Variants in ANK2 observed in about 807,000 individuals in gnomAD.
ANK2 encodes ankyrin-2.
In ANK2, 83 loss-of-function variants were observed where a neutral mutation model predicts 360.5. That is an observed-to-expected ratio of 0.23 (90% CI 0.19 to 0.28). ANK2 has a LOEUF of 0.28. Ranked by LOEUF, ANK2 falls within the 10% of genes least tolerant of loss-of-function variation. The pLI is 1.00. For missense variants in ANK2, 4,201 were observed against 4,795.7 expected (o/e 0.88, Z 3.66); for synonymous variants, 1,740 against 1,759.5 (o/e 0.99, Z 0.28).
chr4:112,955,108 T>C (rs994197783), intron 2 of ANK2, among the ~76,000 whole-genome samples: 25 of 152,152 alleles, frequency 1.6e-4, no homozygotes, highest in African/African-American at 6.0e-4. Flanking sequence ...TATTCTTTGA[T>C]ATAAATCACA....
At chr4:113,009,084 T>G (rs1314709223) in intron 2 of ANK2, among the ~76,000 whole-genome samples, 1 of 152,204 alleles carries the variant, frequency 6.6e-6, no homozygotes, top group Admixed American at 6.5e-5. Context: ...CTTCCACCAT[T>G]CTTGAATCAA....
intron 1 of ANK2, chr4:113,174,182 G>C (rs1436702043): frequency 5.0e-6 from 2 of 399,862 alleles, no homozygotes; most frequent in Admixed American, 3.7e-5. Context: ...CCATTTTAAT[G>C]GTTCTTTTAT....
chr4:112,898,304 A>G (rs369019640), intron 1 of ANK2, among the ~76,000 whole-genome samples: 67 of 152,262 alleles, frequency 4.4e-4, no homozygotes, highest in Middle Eastern at 3.4e-3. Flanking sequence ...AGGATACCAA[A>G]TTTATATAGT....
chr4:113,148,624 G>C (rs918296664), intron 1 of ANK2, among the ~76,000 whole-genome samples: 4 of 152,166 alleles, frequency 2.6e-5, no homozygotes, highest in African/African-American at 9.7e-5. Flanking sequence ...TGACTCAAAA[G>C]GTAATAAGTC....
chr4:113,343,477 C>T (rs1046413604), intron 34 of ANK2, among the ~76,000 whole-genome samples: 5 of 152,166 alleles, frequency 3.3e-5, no homozygotes, highest in East Asian at 1.9e-4. Context: ...TAAAAATACA[C>T]GTGAACTTCA....
chr4:112,914,488 T>A (rs1426043218), intron 2 of ANK2, among the ~76,000 whole-genome samples: 1 of 152,002 alleles, frequency 6.6e-6, no homozygotes, highest in Non-Finnish European at 1.5e-5. Flanking sequence ...CCGGGCGTGG[T>A]GGCACAAGCC....
intron 1 of ANK2, among the ~76,000 whole-genome samples, chr4:113,131,644 T>C (rs2096041192): frequency 6.6e-6 from 1 of 152,248 alleles, no homozygotes; most frequent in African/African-American, 2.4e-5. Context: ...GATTGTGGCA[T>C]GTCAAAGTAC....
chr4:113,375,772 A>G (rs2096909009), intron 45 of ANK2, among the ~76,000 whole-genome samples: 1 of 152,138 alleles, frequency 6.6e-6, no homozygotes, highest in African/African-American at 2.4e-5. Context: ...CCACAGTAAC[A>G]GATCCACAAA....
chr4:112,771,780 T>G, the ANK2 span, among the ~76,000 whole-genome samples: 2 of 151,784 alleles, frequency 1.3e-5, no homozygotes, highest in Non-Finnish European at 2.9e-5. Context: ...AGAGACAGAG[T>G]TTCACTGCGT....
At chr4:113,342,913 G>A in intron 33 of ANK2, 104 bp from the exon 34 acceptor site, 3 of 1,413,078 alleles carry the variant, frequency 2.1e-6, no homozygotes, top group East Asian at 2.3e-5. Flanking sequence ...GGTTGTATGT[G>A]TATTATAAGA....
chr4:112,971,507 G>A (rs554507273), intron 2 of ANK2, among the ~76,000 whole-genome samples: 6 of 152,318 alleles, frequency 3.9e-5, no homozygotes, highest in South Asian at 2.1e-4. Flanking sequence ...ACATAAGTAC[G>A]TAGGCTATAA....
intron 2 of ANK2, among the ~76,000 whole-genome samples, chr4:112,975,114 G>A (rs933970059): frequency 2.0e-5 from 3 of 152,102 alleles, no homozygotes; most frequent in African/African-American, 7.2e-5. Context: ...GGAAATGCCC[G>A]TTTTTCCCTT....
At chr4:112,767,286 C>T in the ANK2 span, among the ~76,000 whole-genome samples, 5 of 152,008 alleles carry the variant, frequency 3.3e-5, no homozygotes, top group Admixed American at 6.6e-5. Context: ...TTCTGCCAGT[C>T]GCGGTGGCTC....
At chr4:112,951,047 A>T (rs1354672814) in intron 2 of ANK2, among the ~76,000 whole-genome samples, 5 of 131,678 alleles carry the variant, frequency 3.8e-5, no homozygotes. Context: ...CCGCCACTGC[A>T]CTCCAGCCTG....
chr4:112,947,489 C>A (rs1020273944), intron 2 of ANK2, among the ~76,000 whole-genome samples: 2 of 151,836 alleles, frequency 1.3e-5, no homozygotes, highest in Admixed American at 6.6e-5. Context: ...GTTTTCAGAC[C>A]ATTAGAAGGT....
chr4:113,055,421 T>A (rs1276195312), intron 1 of ANK2, among the ~76,000 whole-genome samples: 2 of 152,002 alleles, frequency 1.3e-5, no homozygotes, highest in Non-Finnish European at 2.9e-5. Context: ...AATAGATAGA[T>A]AAATAAATAA....
At position 113,339,250 on chromosome 4, in the gene ANK2, A is replaced by G; in HGVS notation, c.3821A>G (p.Glu1274Gly). ...GGTGGAACCACCCCTGCCCAGTGGG[A>G]AGATATTACAGGAACTACGCCATTA... The part of the protein sequence containing the change: ...ITGGTTPAQW[E>G]DITGTTPLTF... The change falls in exon 32 of 46, where the codon GAA becomes GGA. Residue 1274 changes from glutamate (E) to glycine (G), a missense_variant. By Grantham distance (98) the Glu-to-Gly change is moderately conservative. This residue lies in a region of ANK2 where 1,268 missense variants were observed against 1,650.8 expected (regional missense o/e 0.77). Coordinates refer to ENST00000357077, the MANE Select transcript of ANK2 (RefSeq NM_001148.6). 1 of 1,613,942 alleles carries G rather than the reference A, an allele frequency of 6.2e-7. No individual in the cohort carries two copies. Among genetic ancestry groups the G allele is most frequent in the Non-Finnish European group, 8.5e-7 (1 of 1,179,956 alleles).
chr4:113,014,026 C>T (rs965059145), intron 2 of ANK2, among the ~76,000 whole-genome samples: 1 of 151,962 alleles, frequency 6.6e-6, no homozygotes, highest in Admixed American at 6.6e-5. Context: ...AAAATAACTA[C>T]ATATTTTTAA....
chr4:112,850,430 AGTT>A (rs1027640510), intron 1 of ANK2, among the ~76,000 whole-genome samples: 2 of 95,260 alleles, frequency 2.1e-5, no homozygotes, highest in South Asian at 4.2e-4. Flanking sequence ...AGGGTTTAAG[AGTT>A]GTTGTTCGTT....
Sources: allele counts gnomAD v4.1 joint callset (sites outside exome capture counted in the v4.1 genomes callset), GRCh38; gene constraint gnomAD v4.1.1; regional missense constraint gnomAD v4.1.1; transcripts MANE v1.5; gene names NCBI Gene and HGNC (gene_info 2026-07-23, HGNC 2026-07-21).